The following PALLD variants were observed in gnomAD, a reference collection of about 807,000 sequenced individuals.
PALLD encodes palladin.
A neutral mutation model predicts 123.5 loss-of-function variants in PALLD; 61 were observed. The observed-to-expected ratio is 0.49, with a 90% CI of 0.40 to 0.61. The LOEUF is 0.61. PALLD is among the 20% of genes least tolerant of loss of function. The pLI is 0.00. For synonymous variants in PALLD, 465 were observed against 496.4 expected, an observed-to-expected ratio of 0.94 and a Z score of 0.84; for missense variants, 1,273 against 1,377.0, an observed-to-expected ratio of 0.92 and a Z score of 1.20.
At chr4:168,583,010 A>G (rs1290576356) in intron 2 of PALLD, among the ~76,000 whole-genome samples, 1 of 152,334 alleles carries the variant, frequency 6.6e-6, no homozygotes, top group South Asian at 2.1e-4. Flanking sequence ...ATAAAAGAGT[A>G]AACAGCATAC....
At chr4:168,593,878 A>T (rs1409766162) in intron 2 of PALLD, among the ~76,000 whole-genome samples, 1 of 152,212 alleles carries the variant, frequency 6.6e-6, no homozygotes, top group Non-Finnish European at 1.5e-5. Context: ...TCTAATGATT[A>T]AAAATTTTTA....
chr4:168,914,305 T>C (rs1241829968), intron 16 of PALLD, among the ~76,000 whole-genome samples: 1 of 152,240 alleles, frequency 6.6e-6, no homozygotes, highest in Non-Finnish European at 1.5e-5. Context: ...TCAGCACTTT[T>C]AAATGGCATA....
intron 2 of PALLD, among the ~76,000 whole-genome samples, chr4:168,645,921 C>CT (rs917488446): frequency 6.6e-5 from 10 of 152,142 alleles, no homozygotes; most frequent in African/African-American, 2.4e-4. Context: ...ATGGAAAACT[C>CT]TTAGAGTTAG....
chr4:168,755,155 C>T (rs1581292405), intron 10 of PALLD, among the ~76,000 whole-genome samples: 1 of 150,900 alleles, frequency 6.6e-6, no homozygotes, highest in Non-Finnish European at 1.5e-5. Flanking sequence ...ATGGCATGAG[C>T]CTGGGAGGCG....
intron 10 of PALLD, among the ~76,000 whole-genome samples, chr4:168,742,953 C>T (rs1311614112): frequency 1.3e-5 from 2 of 152,170 alleles, no homozygotes; most frequent in Non-Finnish European, 2.9e-5. Context: ...TCCTGGCCTT[C>T]CTCCTGCTAT....
chr4:168,758,594 A>G (rs1030962654), intron 10 of PALLD, among the ~76,000 whole-genome samples: 1 of 152,106 alleles, frequency 6.6e-6, no homozygotes, highest in Non-Finnish European at 1.5e-5. Flanking sequence ...GTTTGTTGGT[A>G]TTTTAGTCTG....
At chr4:168,557,340 G>A (rs374069233) in intron 2 of PALLD, among the ~76,000 whole-genome samples, 5 of 152,174 alleles carry the variant, frequency 3.3e-5, no homozygotes, top group Admixed American at 6.5e-5. Flanking sequence ...CACCACTCCC[G>A]GCCTCCACTT....
chr4:168,552,148 A>G (rs1359230854), intron 2 of PALLD, among the ~76,000 whole-genome samples: 2 of 152,182 alleles, frequency 1.3e-5, no homozygotes, highest in African/African-American at 4.8e-5. Context: ...TAAGTCACCC[A>G]AGTTGACTCA....
At chr4:168,712,379 G>A in intron 10 of PALLD, 1 of 235,174 alleles carries the variant, frequency 4.3e-6, no homozygotes, top group East Asian at 7.0e-5. Flanking sequence ...TGGAAATTCA[G>A]GGTGCAGATC....
Position 168,606,543 on chromosome 4 carries a change from G to A in PALLD, c.909-61647G>A, listed in dbSNP as rs111516685. 5.2e-3 allele frequency among the ~76,000 whole-genome samples: 796 copies of A among 151,896 alleles called. 8 individuals carry two copies. The highest frequency in any genetic ancestry group is 0.018 in the African/African-American group (749 of 41,408). ...CAAAAAATTAGCTGGGCATGGTAACGGTCACCTGTAATCCCAGCTACTCGG... is the reference window on the plus strand; with the variant it reads ...CAAAAAATTAGCTGGGCATGGTAACAGTCACCTGTAATCCCAGCTACTCGG... On this transcript the variant is annotated intron_variant, in intron 2 of 21. Transcript: ENST00000505667.
At chr4:168,793,952 A>T (rs1327366784) in intron 10 of PALLD, among the ~76,000 whole-genome samples, 1 of 152,140 alleles carries the variant, frequency 6.6e-6, no homozygotes, top group East Asian at 1.9e-4. Context: ...ACACTATTCC[A>T]GGAAGGCCAC....
intron 2 of PALLD, among the ~76,000 whole-genome samples, chr4:168,653,675 TATAGTC>T (rs1448411279): frequency 1.2e-4 from 19 of 152,318 alleles, no homozygotes; most frequent in African/African-American, 4.3e-4. Context: ...AGCAAACACG[TATAGTC>T]ATTATCGTTT....
At position 168,924,361 on chromosome 4, in the gene PALLD, A is replaced by G; in HGVS notation, c.3165A>G (p.Pro1055=). The change falls in exon 19 of 22, where the codon CCA becomes CCG. Residue 1055 remains proline (P), a synonymous_variant. Transcript: ENST00000505667. ...RLECRVLGVP[P]PQIFWKKENE... ...AATGTCGTGTATTGGGAGTGCCACC[A>G]CCTCAGATATTTTGGAAGAAAGAAA... 1 of 1,613,896 alleles carries G rather than the reference A, an allele frequency of 6.2e-7. No homozygotes were observed. The highest frequency in any genetic ancestry group is 1.1e-5 in the South Asian group (1 of 91,068).
chr4:168,780,421 G>C (rs1735755549), intron 10 of PALLD, among the ~76,000 whole-genome samples: 1 of 152,164 alleles, frequency 6.6e-6, no homozygotes, highest in African/African-American at 2.4e-5. Context: ...GTCTCACCTA[G>C]CTTTATGAAA....
At chr4:168,865,996 T>C (rs1411047325) in intron 10 of PALLD, among the ~76,000 whole-genome samples, 2 of 151,974 alleles carry the variant, frequency 1.3e-5, no homozygotes, top group Non-Finnish European at 2.9e-5. Flanking sequence ...CAAAGCTATT[T>C]AGGCCATGTG....
intron 10 of PALLD, among the ~76,000 whole-genome samples, chr4:168,823,245 A>G (rs1032565378): frequency 9.9e-5 from 15 of 152,176 alleles, no homozygotes; most frequent in African/African-American, 3.6e-4. Flanking sequence ...GGCCCTGCCT[A>G]AGATTATGGA....
intron 10 of PALLD, among the ~76,000 whole-genome samples, chr4:168,874,572 C>T (rs1265071960): frequency 6.6e-6 from 1 of 151,958 alleles, no homozygotes; most frequent in Admixed American, 6.6e-5. Context: ...TGATTCAGAT[C>T]CTAAAGGCCC....
chr4:168,710,761 G>A (rs943431847), intron 9 of PALLD, among the ~76,000 whole-genome samples: 1 of 152,156 alleles, frequency 6.6e-6, no homozygotes, highest in African/African-American at 2.4e-5. Context: ...CCATCAAATG[G>A]CCATAGCAGG....
At position 168,512,005 on chromosome 4, in the gene PALLD, G is replaced by A; in HGVS notation, c.501G>A (p.Gln167=). The change falls in exon 2 of 22, where the codon CAG becomes CAA. Residue 167 remains glutamine, a synonymous_variant. Coordinates refer to ENST00000505667, the MANE Select transcript of PALLD (RefSeq NM_001166108.2). ...AAAGAAAGGGTGGCCCCCAGAGCCA[G>A]CTGTGTGACAAGGCAGCTAATTTAA... is the stretch of plus-strand genomic sequence containing the variant. The part of the protein sequence containing the change: ...PHQRKGGPQS[Q]LCDKAANLIE... 1 of 1,614,210 alleles carries A rather than the reference G, an allele frequency of 6.2e-7. No individual in the cohort carries two copies. Among genetic ancestry groups the A allele is most frequent in the Non-Finnish European group, 8.5e-7 (1 of 1,180,042 alleles).
Sources: gnomAD v4.1 joint callset for allele counts (sites outside exome capture counted in the v4.1 genomes callset) on GRCh38, gnomAD v4.1.1 for gene constraint, MANE v1.5 for transcripts, NCBI Gene and HGNC (gene_info 2026-07-23, HGNC 2026-07-21) for gene names.